The following RNGTT variants were observed in gnomAD, a reference collection of about 807,000 sequenced individuals.
RNGTT encodes the protein RNA guanylyltransferase and 5'-phosphatase.
Under a neutral mutation model 79.3 loss-of-function variants are expected in RNGTT, and 33 were observed. The ratio of observed to expected loss-of-function variants is 0.42; its 90% CI spans 0.32 to 0.56. RNGTT has a LOEUF of 0.56. Ranked by LOEUF, RNGTT falls within the 20% of genes least tolerant of loss-of-function variation. RNGTT has a pLI of 0.17. For synonymous variants in RNGTT, 222 were observed against 235.9 expected (o/e 0.94, Z 0.54); for missense variants, 497 against 739.1 (o/e 0.67, Z 3.80).
At chr6:88,804,447 A>C (rs1266449734) in intron 11 of RNGTT, among the ~76,000 whole-genome samples, 2 of 152,194 alleles carry the variant, frequency 1.3e-5, no homozygotes, top group Non-Finnish European at 2.9e-5. Flanking sequence ...GTTCAAGACC[A>C]ACCTGGCCAA....
At chr6:88,796,564 T>C (rs759422049) in intron 12 of RNGTT, among the ~76,000 whole-genome samples, 3 of 152,128 alleles carry the variant, frequency 2.0e-5, no homozygotes, top group South Asian at 2.1e-4. Flanking sequence ...TTGTCCCTAG[T>C]AGAAATGTAT....
intron 13 of RNGTT, among the ~76,000 whole-genome samples, chr6:88,748,678 T>C (rs537989740): frequency 3.3e-5 from 5 of 152,190 alleles, no homozygotes; most frequent in Non-Finnish European, 5.9e-5. Flanking sequence ...CATGAATATA[T>C]CACAAGCTCC....
intron 14 of RNGTT, among the ~76,000 whole-genome samples, chr6:88,618,179 C>T (rs960751746): frequency 1.3e-5 from 2 of 152,096 alleles, no homozygotes; most frequent in Admixed American, 1.3e-4. Flanking sequence ...CAGAGCTTTC[C>T]AGAAAATGCA....
chr6:88,764,025 C>T (rs1778362065), intron 13 of RNGTT, among the ~76,000 whole-genome samples: 1 of 152,310 alleles, frequency 6.6e-6, no homozygotes, highest in South Asian at 2.1e-4. Context: ...TGTCTGGAGC[C>T]TCTGAATCCT....
intron 13 of RNGTT, among the ~76,000 whole-genome samples, chr6:88,744,410 C>G (rs1777593181): frequency 1.3e-5 from 2 of 152,050 alleles, no homozygotes; most frequent in Non-Finnish European, 2.9e-5. Flanking sequence ...TACAGGCGCG[C>G]ACCAGCACGC....
intron 13 of RNGTT, among the ~76,000 whole-genome samples, chr6:88,749,401 G>A (rs531955667): frequency 3.3e-5 from 5 of 151,828 alleles, no homozygotes; most frequent in South Asian, 2.1e-4. Flanking sequence ...TTAGATGTGC[G>A]TGCTAAAATT....
At chr6:88,733,372 C>T (rs959420304) in intron 13 of RNGTT, among the ~76,000 whole-genome samples, 2 of 150,204 alleles carry the variant, frequency 1.3e-5, no homozygotes, top group African/African-American at 4.9e-5. Flanking sequence ...CCCCCACCCC[C>T]CCTCCAAAAA....
At chr6:88,939,913 C>T (rs188559236) in intron 2 of RNGTT, among the ~76,000 whole-genome samples, 20 of 151,028 alleles carry the variant, frequency 1.3e-4, no homozygotes, top group South Asian at 4.2e-4. Flanking sequence ...CCACCATGCC[C>T]GGCTAATTTT....
At chr6:88,715,657 T>C (rs1278639789) in intron 13 of RNGTT, among the ~76,000 whole-genome samples, 3 of 152,008 alleles carry the variant, frequency 2.0e-5, no homozygotes, top group Non-Finnish European at 4.4e-5. Flanking sequence ...TCAGAAATAA[T>C]GCCGCATATC....
intron 4 of RNGTT, among the ~76,000 whole-genome samples, chr6:88,926,722 C>A (rs1784330976): frequency 6.6e-6 from 1 of 152,182 alleles, no homozygotes; most frequent in African/African-American, 2.4e-5. Flanking sequence ...AGTGACCCTT[C>A]AGCAGTCTTA....
intron 1 of RNGTT, among the ~76,000 whole-genome samples, chr6:88,955,726 A>G (rs919422173): frequency 9.9e-5 from 15 of 151,960 alleles, no homozygotes; most frequent in African/African-American, 3.4e-4. Flanking sequence ...AAAAATACCA[A>G]ACATCCACAA....
intron 4 of RNGTT, among the ~76,000 whole-genome samples, chr6:88,917,132 G>C (rs1007403680): frequency 2.0e-5 from 3 of 152,016 alleles, no homozygotes; most frequent in African/African-American, 7.2e-5. Context: ...CTCTTTCTTT[G>C]GTTTCTTTGC....
intron 13 of RNGTT, among the ~76,000 whole-genome samples, chr6:88,762,638 C>T (rs1778307674): frequency 6.6e-6 from 1 of 152,062 alleles, no homozygotes; most frequent in Non-Finnish European, 1.5e-5. Context: ...CTGCTCTCTG[C>T]CACAGTAGAA....
chr6:88,648,181 G>C (rs1288343985), intron 14 of RNGTT, among the ~76,000 whole-genome samples: 1 of 152,152 alleles, frequency 6.6e-6, no homozygotes, highest in Non-Finnish European at 1.5e-5. Flanking sequence ...CTGACAGGTA[G>C]TAAGACTGTA....
At chr6:88,879,969 T>C (rs975870060) in intron 8 of RNGTT, among the ~76,000 whole-genome samples, 3 of 152,186 alleles carry the variant, frequency 2.0e-5, no homozygotes, top group Admixed American at 1.3e-4. Flanking sequence ...CAGGGGGATA[T>C]GGCTGCTTTT....
At chr6:88,887,905 C>T (rs1003670365) in intron 8 of RNGTT, among the ~76,000 whole-genome samples, 3 of 152,180 alleles carry the variant, frequency 2.0e-5, no homozygotes, top group African/African-American at 7.2e-5. Flanking sequence ...CACTACAGCC[C>T]AGGAGCTCAA....
chr6:88,643,354 A>G (rs1436996352), intron 14 of RNGTT, among the ~76,000 whole-genome samples: 3 of 152,184 alleles, frequency 2.0e-5, no homozygotes, highest in Non-Finnish European at 4.4e-5. Context: ...CTGAATGTAT[A>G]TTACTTTCAC....
At chr6:88,834,016 G>A (rs911767657) in intron 11 of RNGTT, among the ~76,000 whole-genome samples, 44 of 152,014 alleles carry the variant, frequency 2.9e-4, no homozygotes, top group African/African-American at 9.6e-4. Flanking sequence ...GCGAGACTTC[G>A]TCTCAAAAAA....
At chr6:88,785,492 A>G (rs1008367669) in intron 12 of RNGTT, among the ~76,000 whole-genome samples, 7 of 150,472 alleles carry the variant, frequency 4.7e-5, no homozygotes, top group Non-Finnish European at 7.4e-5. Flanking sequence ...ATGAACAAGG[A>G]AAAAAAAATA....
Sources: allele counts gnomAD v4.1 joint callset (sites outside exome capture counted in the v4.1 genomes callset), GRCh38; gene constraint gnomAD v4.1.1; transcripts MANE v1.5; gene names NCBI Gene and HGNC (gene_info 2026-07-23, HGNC 2026-07-21).